The following AQP1 variants were observed in gnomAD, a reference collection of about 807,000 sequenced individuals.
The protein encoded by AQP1 is aquaporin 1 (Colton blood group).
In AQP1, 11 loss-of-function variants were observed where a neutral mutation model predicts 19.7. That is an observed-to-expected ratio of 0.56 (90% CI 0.35 to 0.92). The LOEUF is 0.92. Among genes scored for constraint, AQP1 ranks in the 40% least tolerant of loss-of-function variants. AQP1 has a pLI of 0.01. For missense variants in AQP1, 320 were observed against 369.7 expected (o/e 0.87, Z 1.10); for synonymous variants, 159 against 166.7 (o/e 0.95, Z 0.36).
chr7:30,924,021 C>A lies in AQP1; in HGVS notation c.*392C>A, dbSNP rs1481674835. 1 of 1,329,966 alleles carries A rather than the reference C, an allele frequency of 7.5e-7. No individual in the cohort carries two copies. The allele number at this position is 1,329,966 out of a possible 1,614,324, so 82.4% of individuals were successfully genotyped here. A position where few individuals can be genotyped will look rare whatever the true frequency, so the allele number is the denominator to read the frequency against. On this transcript the variant is annotated 3_prime_UTR_variant, in exon 4 of 4. Coordinates refer to ENST00000311813, the MANE Select transcript of AQP1 (RefSeq NM_198098.4). ...GGATTCTACCGTAATTGCTTTGTGCCTTTGGGCACGGCCCTCCTTCTTTTC... is the reference window on the plus strand; with the variant it reads ...GGATTCTACCGTAATTGCTTTGTGCATTTGGGCACGGCCCTCCTTCTTTTC...
intron 1 of AQP1, chr7:30,921,389 T>G: frequency 7.1e-7 from 1 of 1,400,024 alleles, no homozygotes; most frequent in Non-Finnish European, 9.3e-7. Context: ...AGGCCAGCAG[T>G]GGGGAGGAAG....
chr7:30,918,875 A>C (rs1791424376), intron 1 of AQP1, among the ~76,000 whole-genome samples: 1 of 152,240 alleles, frequency 6.6e-6, no homozygotes, highest in Admixed American at 6.5e-5. Context: ...TGGCCAGCCC[A>C]TTGACCTGTG....
Position 30,912,103 on chromosome 7 carries a change from A to G in AQP1, c.194A>G (p.Gln65Arg), listed in dbSNP as rs558089401. 6.2e-7 allele frequency: 1 copy of G among 1,613,280 alleles called. No individual in the cohort carries two copies. Among genetic ancestry groups the G allele is most frequent in the Admixed American group, 1.7e-5 (1 of 60,016 alleles). ...GGGCTGAGCATCGCCACGCTGGCGC[A>G]GAGTGTGGGCCACATCAGCGGCGCC... ...AFGLSIATLA[Q>R]SVGHISGAHL... The change falls in exon 1 of 4, where the codon CAG becomes CGG. Residue 65 changes from glutamine to arginine, a missense_variant. By Grantham distance (43) the Gln-to-Arg change is conservative. Coordinates refer to ENST00000311813, the MANE Select transcript of AQP1 (RefSeq NM_198098.4). This position sits in a 1 kb window ranked among gnomAD's most constrained non-coding sequence, Gnocchi z 4.3.
rs1320488081 is a variant in AQP1, at chr7:30,912,270, G to A, written c.361G>A (p.Gly121Arg). 1 of 1,604,052 alleles carries A rather than the reference G, an allele frequency of 6.2e-7. No homozygotes were observed. Among genetic ancestry groups the A allele is most frequent in the Non-Finnish European group, 8.5e-7 (1 of 1,179,610 alleles). ...CTCAGGCATCACCTCCTCCCTGACT[G>A]GGAACTCGCTTGGCCGCAATGACGT... ...ILSGITSSLTGNSLGRNDLAD... is the reference protein window; with the variant it reads ...ILSGITSSLTRNSLGRNDLAD... Residue 121 changes from glycine (G) to arginine (R), a missense_variant, in exon 1 of 4, where the codon GGG becomes AGG. Physicochemically the swap from Gly to Arg is moderately radical, Grantham distance 125. Transcript: ENST00000311813. The surrounding 1 kb of genome is among the most constrained non-coding windows in gnomAD (Gnocchi z 4.3).
rs12112692 is a variant in AQP1, at chr7:30,912,728, G to A, written c.384+435G>A. The stretch of plus-strand genomic sequence containing the variant: ...CCAAATGCCCAGCCTGTCTGCAGCT[G>A]GCTCTGCAAGTGTGTGAGCAGGACT... On this transcript the variant is annotated intron_variant, in intron 1 of 3. Coordinates refer to ENST00000311813, the MANE Select transcript of AQP1 (RefSeq NM_198098.4). The surrounding 1 kb of genome is among the most constrained non-coding windows in gnomAD (Gnocchi z 4.3). 0.026 allele frequency among the ~76,000 whole-genome samples: 4,033 copies of A among 152,274 alleles called. 169 individuals carry two copies. Among genetic ancestry groups the A allele is most frequent in the African/African-American group, 0.091 (3,764 of 41,526 alleles).
At chr7:30,915,589 C>T (rs1666474656) in intron 1 of AQP1, among the ~76,000 whole-genome samples, 1 of 152,042 alleles carries the variant, frequency 6.6e-6, no homozygotes, top group Admixed American at 6.5e-5. Flanking sequence ...GGGCCAGGGG[C>T]TGCATCCGGG....
In AQP1 at chr7:30,922,626, C is replaced by G. The variant is rs1791550921; in HGVS notation, c.612C>G (p.His204Gln). 6.2e-7 allele frequency: 1 copy of G among 1,614,040 alleles called. No individual in the cohort carries two copies. The highest frequency in any genetic ancestry group is 1.7e-5 in the Admixed American group (1 of 60,006). Residue 204 changes from histidine (H) to glutamine (Q), a missense_variant, in exon 3 of 4, where the codon CAC (histidine) becomes CAG (glutamine). His to Gln is a conservative substitution (Grantham distance 24). Coordinates refer to ENST00000311813, the MANE Select transcript of AQP1 (RefSeq NM_198098.4). ...CCTTTGGCTCCGCGGTGATCACACA[C>G]AACTTCAGCAACCACTGGGTAGGAG... is the stretch of plus-strand genomic sequence containing the variant. ...ARSFGSAVIT[H>Q]NFSNHWIFWV...
chr7:30,915,701 C>T (rs1012354336), intron 1 of AQP1, among the ~76,000 whole-genome samples: 3 of 152,170 alleles, frequency 2.0e-5, no homozygotes, highest in African/African-American at 4.8e-5. Flanking sequence ...CTGCTAATTC[C>T]AGGCCTGACT....
chr7:30,918,064 G>A lies in AQP1; in HGVS notation c.385-4002G>A, dbSNP rs1000826927. Among the ~76,000 whole-genome samples, 74 of 150,990 alleles carry A rather than the reference G, an allele frequency of 4.9e-4. 1 individual carries two copies. The highest frequency in any genetic ancestry group is 2.6e-3 in the Admixed American group (40 of 15,194). ...GGCTGGAGTGCAGTGGCACCATCTC[G>A]GCTCACTGCAAGTTCTGCCTCCCGG... On this transcript the variant is annotated intron_variant, in intron 1 of 3. Transcript: ENST00000311813.
chr7:30,913,850 C>A (rs1275778917), intron 1 of AQP1, among the ~76,000 whole-genome samples: 1 of 152,142 alleles, frequency 6.6e-6, no homozygotes, highest in South Asian at 2.1e-4. Context: ...CTCTGCCCCC[C>A]CAGGCCTCAG....
chr7:30,923,186 G>A lies in AQP1; in HGVS notation c.631-264G>A, dbSNP rs757146787. ...TTCCAAAGCTGGGAGTGTGGGGGCA[G>A]TGGCCTTCCTCAAGAAGGGGCTGCT... On this transcript the variant is annotated intron_variant, in intron 3 of 3. Coordinates refer to ENST00000311813, the MANE Select transcript of AQP1 (RefSeq NM_198098.4). This position sits in a 1 kb window ranked among gnomAD's most constrained non-coding sequence, Gnocchi z 4.8. Among the ~76,000 whole-genome samples, 10 of 152,254 alleles carry A rather than the reference G, an allele frequency of 6.6e-5. No individual in the cohort carries two copies. The highest frequency in any genetic ancestry group is 2.6e-4 in the Admixed American group (4 of 15,290).
intron 3 of AQP1, among the ~76,000 whole-genome samples, chr7:30,922,867 C>T (rs1791561099): frequency 6.6e-6 from 1 of 152,208 alleles, no homozygotes; most frequent in Admixed American, 6.5e-5. Context: ...CCCATGCTGC[C>T]TGGCCTCCAG....
rs897421320 is a variant in AQP1 at position 30,915,022 on chromosome 7, A to C, written c.384+2729A>C. The stretch of plus-strand genomic sequence containing the variant: ...CACCTGTCCCTGTCCTAGCTCAGCC[A>C]CTAACACCATGTGGCATCACACAAC... On this transcript the variant is annotated intron_variant, in intron 1 of 3. Coordinates refer to ENST00000311813, the MANE Select transcript of AQP1 (RefSeq NM_198098.4). Among the ~76,000 whole-genome samples the C allele has an allele frequency of 4.6e-5, 7 of 152,352 alleles. No individual in the cohort carries two copies. The East Asian group carries it at 5.8e-4, about 13-fold the overall frequency.
At chr7:30,915,956 G>T (rs989385859) in intron 1 of AQP1, among the ~76,000 whole-genome samples, 1 of 152,176 alleles carries the variant, frequency 6.6e-6, no homozygotes, top group Non-Finnish European at 1.5e-5. Flanking sequence ...GGGCTGGGTG[G>T]TGATGCCACA....
At position 30,912,089 on chromosome 7, in the gene AQP1, C is replaced by T. The variant is rs11537656; in HGVS notation, c.180C>T (p.Ile60=). Residue 60 remains isoleucine, a synonymous_variant, in exon 1 of 4, where the codon ATC becomes ATT. Transcript: ENST00000311813. This position sits in a 1 kb window ranked among gnomAD's most constrained non-coding sequence, Gnocchi z 4.3. ...TGTCGCTGGCCTTCGGGCTGAGCATCGCCACGCTGGCGCAGAGTGTGGGCC... is the reference window on the plus strand; with the variant it reads ...TGTCGCTGGCCTTCGGGCTGAGCATTGCCACGCTGGCGCAGAGTGTGGGCC... The part of the protein sequence containing the change: ...VKVSLAFGLS[I]ATLAQSVGHI... The T allele has an allele frequency of 4.2e-4, 672 of 1,613,344 alleles. 5 individuals are homozygous for T. The East Asian group carries it at 0.012, about 28-fold the overall frequency.
rs1240970193 is a variant in AQP1, at chr7:30,923,912, G to C, written c.*283G>C. On this transcript the variant is annotated 3_prime_UTR_variant, in exon 4 of 4. Coordinates refer to ENST00000311813, the MANE Select transcript of AQP1 (RefSeq NM_198098.4). The surrounding 1 kb of genome is among the most constrained non-coding windows in gnomAD (Gnocchi z 4.8). ...AAAGAAAGGGACCCACCTGCTAGTC[G>C]CCCCTCAGAGCATGATGGGAGGTGT... 1 of 1,453,050 alleles carries C rather than the reference G, an allele frequency of 6.9e-7. No homozygotes were observed. The highest frequency in any genetic ancestry group is 9.2e-7 in the Non-Finnish European group (1 of 1,088,678). The allele number at this position is 1,453,050 out of a possible 1,614,324, so 90.0% of individuals were successfully genotyped here.
Position 30,924,530 on chromosome 7 carries a change from C to T in AQP1, c.*901C>T, listed in dbSNP as rs11537661. 17,617 of 152,552 alleles carry T rather than the reference C, an allele frequency of 0.12. 1,542 individuals carry two copies. Among genetic ancestry groups the T allele is most frequent in the African/African-American group, 0.24 (9,995 of 41,524 alleles). The allele number at this position is 152,552 out of a possible 1,614,324, so 9.4% of individuals were successfully genotyped here. A position where few individuals can be genotyped will look rare whatever the true frequency, so the allele number is the denominator to read the frequency against. On this transcript the variant is annotated 3_prime_UTR_variant, in exon 4 of 4. Coordinates refer to ENST00000311813, the MANE Select transcript of AQP1 (RefSeq NM_198098.4). ...GGGTGAAGGAGAAATACCCATGTTA[C>T]TTCTCTGAGTTTTAGTTGGTCTTTC...
intron 1 of AQP1, among the ~76,000 whole-genome samples, chr7:30,917,171 T>C (rs1424278896): frequency 6.6e-6 from 1 of 152,200 alleles, no homozygotes; most frequent in East Asian, 1.9e-4. Flanking sequence ...TAGCCCTTGA[T>C]TATTCCTGCT....
At position 30,911,894 on chromosome 7, in the gene AQP1, C is replaced by G; in HGVS notation, c.-16C>G. On this transcript the variant is annotated 5_prime_UTR_variant, in exon 1 of 4. Coordinates refer to ENST00000311813, the MANE Select transcript of AQP1 (RefSeq NM_198098.4). ...TGAGCACCCGGCAGCGGTCTCAGGC[C>G]AAGCCCCCTGCCAGCATGGCCAGCG... 1.9e-6 allele frequency: 3 copies of G among 1,612,770 alleles called. No homozygotes were observed. Among genetic ancestry groups the G allele is most frequent in the Non-Finnish European group, 2.5e-6 (3 of 1,180,024 alleles).
Sources: allele counts gnomAD v4.1 joint callset (sites outside exome capture counted in the v4.1 genomes callset), GRCh38; gene constraint gnomAD v4.1.1; non-coding constraint Gnocchi (gnomAD v3.1); transcripts MANE v1.5; gene names NCBI Gene and HGNC (gene_info 2026-07-23, HGNC 2026-07-21).